The following HMCN1 variants were observed in gnomAD, a reference collection of about 807,000 sequenced individuals.
The protein encoded by HMCN1 is hemicentin-1.
HMCN1 carries 321 observed loss-of-function variants against 625.9 expected under a neutral mutation model. That is an observed-to-expected ratio of 0.51 (90% CI 0.47 to 0.56). The LOEUF (loss-of-function observed/expected upper bound fraction) is 0.56, where lower values mean the gene tolerates loss of function less well. HMCN1 is among the 20% of genes least tolerant of loss of function. HMCN1 has a pLI of 0.00. For synonymous variants in HMCN1, 2,425 were observed against 2,417.6 expected (o/e 1.00, Z -0.09); for missense variants, 6,588 against 6,887.3 (o/e 0.96, Z 1.54).
chr1:185,880,333 G>T (rs1355724472), intron 4 of HMCN1, among the ~76,000 whole-genome samples: 2 of 152,168 alleles, frequency 1.3e-5, no homozygotes, highest in Non-Finnish European at 2.9e-5. Context: ...ATAATTGCAG[G>T]TAATTCCATA....
chr1:186,175,279 T>C (rs1244999784), intron 103 of HMCN1, among the ~76,000 whole-genome samples: 1 of 152,222 alleles, frequency 6.6e-6, no homozygotes, highest in African/African-American at 2.4e-5. Flanking sequence ...TATCAAATTG[T>C]AGTCTTCCTT....
intron 57 of HMCN1, among the ~76,000 whole-genome samples, chr1:186,085,722 G>A (rs888539203): frequency 4.6e-5 from 7 of 151,526 alleles, no homozygotes; most frequent in African/African-American, 1.7e-4. Flanking sequence ...GACCACATCT[G>A]TTCCTGCCAT....
At chr1:185,841,758 CT>C (rs1661490981) in intron 1 of HMCN1, among the ~76,000 whole-genome samples, 1 of 152,138 alleles carries the variant, frequency 6.6e-6, no homozygotes, top group Non-Finnish European at 1.5e-5. Flanking sequence ...GGCTGGGCCA[CT>C]TTGGCTAATC....
At chr1:186,107,073 A>G in intron 70 of HMCN1, 108 bp downstream of exon 70, 1 of 796,986 alleles carries the variant, frequency 1.3e-6, no homozygotes, top group South Asian at 1.4e-5. Flanking sequence ...TAGGGAATAT[A>G]TATTTTGCAA....
intron 72 of HMCN1, 95 bp downstream of exon 72, chr1:186,113,048 C>A: frequency 7.0e-7 from 1 of 1,424,842 alleles, no homozygotes; most frequent in Non-Finnish European, 9.7e-7. Flanking sequence ...CTAAATGAAG[C>A]CTTGTGCTTA....
intron 1 of HMCN1, among the ~76,000 whole-genome samples, chr1:185,741,584 A>G (rs972269313): frequency 6.6e-6 from 1 of 152,218 alleles, no homozygotes; most frequent in African/African-American, 2.4e-5. Flanking sequence ...TGGGACTCCA[A>G]TGTTTAGCAA....
intron 45 of HMCN1, among the ~76,000 whole-genome samples, chr1:186,056,671 A>T (rs79913503): frequency 6.7e-4 from 102 of 152,074 alleles, no homozygotes; most frequent in African/African-American, 2.5e-3. Flanking sequence ...TCATGTTCTC[A>T]CTTATAAGTG....
At chr1:186,022,065 C>T (rs1453353276) in intron 35 of HMCN1, among the ~76,000 whole-genome samples, 9 of 151,840 alleles carry the variant, frequency 5.9e-5, no homozygotes, top group Admixed American at 2.6e-4. Flanking sequence ...TTTAGAAATA[C>T]AAGGGAAAAT....
At chr1:186,116,790 A>G (rs901935459) in intron 75 of HMCN1, among the ~76,000 whole-genome samples, 1 of 152,168 alleles carries the variant, frequency 6.6e-6, no homozygotes, top group Non-Finnish European at 1.5e-5. Context: ...TAAATATTAT[A>G]TCAAGTTTGA....
intron 69 of HMCN1, 147 bp downstream of exon 69, chr1:186,103,815 A>G: frequency 1.5e-6 from 1 of 662,380 alleles, no homozygotes; most frequent in Non-Finnish European, 2.6e-6. Context: ...TATGATATGC[A>G]TGATTGGGTA....
In HMCN1 at chr1:186,055,484, T is replaced by C. The variant is rs1571788791; in HGVS notation, c.6954T>C (p.Gly2318=). 2.5e-6 allele frequency: 4 copies of C among 1,612,714 alleles called. No homozygotes were observed. The East Asian group carries it at 8.9e-5, about 36-fold the overall frequency. ...TCTCCTTGGAGTGTGAGGTGCAGGG[T>C]ATTCCACCACCAACAGTGACCTGGA... ...KSISLECEVQ[G]IPPPTVTWMK... Residue 2318 remains glycine (G), a synonymous_variant, in exon 45 of 107, where the codon GGT becomes GGC. Transcript: ENST00000271588.
intron 11 of HMCN1, among the ~76,000 whole-genome samples, chr1:185,949,027 G>A (rs1484989834): frequency 6.6e-6 from 1 of 151,826 alleles, no homozygotes; most frequent in Non-Finnish European, 1.5e-5. Flanking sequence ...ATAACAGAAG[G>A]AGAAAAACAG....
At chr1:186,179,559 T>C (rs1451627779) in intron 104 of HMCN1, among the ~76,000 whole-genome samples, 2 of 152,114 alleles carry the variant, frequency 1.3e-5, no homozygotes, top group Non-Finnish European at 2.9e-5. Context: ...AGTTTTACTA[T>C]TTGTTAGCTG....
chr1:186,019,446 TCTAAA>T, intron 34 of HMCN1, 90 bp from the exon 35 acceptor site: 1 of 845,410 alleles, frequency 1.2e-6, no homozygotes, highest in Non-Finnish European at 2.0e-6. Context: ...TTTTTTTTTT[TCTAAA>T]TTTTAAGGTT....
intron 95 of HMCN1, among the ~76,000 whole-genome samples, chr1:186,152,353 G>C (rs1253109264): frequency 6.6e-6 from 1 of 152,120 alleles, no homozygotes; most frequent in Admixed American, 6.5e-5. Context: ...GAAGACAATT[G>C]GTTCTTTTCA....
intron 36 of HMCN1, among the ~76,000 whole-genome samples, chr1:186,033,919 T>G (rs914579300): frequency 1.3e-5 from 2 of 152,192 alleles, no homozygotes. Context: ...CGTTGTGTCT[T>G]GATTCATTAG....
intron 51 of HMCN1, 47 bp downstream of exon 51, chr1:186,069,823 T>C: frequency 7.8e-7 from 1 of 1,281,844 alleles, no homozygotes; most frequent in South Asian, 1.2e-5. Flanking sequence ...CCAATTTTTC[T>C]AACTTTTTCA....
intron 14 of HMCN1, among the ~76,000 whole-genome samples, chr1:185,969,037 T>C (rs1165945764): frequency 6.6e-6 from 1 of 152,220 alleles, no homozygotes; most frequent in African/African-American, 2.4e-5. Context: ...TATTTTATCC[T>C]GTTAATGTCC....
chr1:185,837,857 C>G (rs996326013), intron 1 of HMCN1, among the ~76,000 whole-genome samples: 1 of 152,120 alleles, frequency 6.6e-6, no homozygotes, highest in Non-Finnish European at 1.5e-5. Context: ...AGCCAGGAAA[C>G]AGGAAACAGG....
Sources: gnomAD v4.1 joint callset for allele counts (sites outside exome capture counted in the v4.1 genomes callset) on GRCh38, gnomAD v4.1.1 for gene constraint, MANE v1.5 for transcripts, NCBI Gene and HGNC (gene_info 2026-07-23, HGNC 2026-07-21) for gene names.